Variants in NTRK3 observed in about 807,000 individuals in gnomAD.
NTRK3 encodes neurotrophic receptor tyrosine kinase 3, also known as NT-3 growth factor receptor.
In NTRK3, 24 loss-of-function variants were observed where a neutral mutation model predicts 91.7. The ratio of observed to expected loss-of-function variants is 0.26; its 90% CI spans 0.19 to 0.37. The LOEUF (loss-of-function observed/expected upper bound fraction) is 0.37. Ranked by LOEUF, NTRK3 falls within the 10% of genes least tolerant of loss-of-function variation. The probability of loss-of-function intolerance (pLI) is 1.00; values close to 1 mark genes in which losing one functional copy is unlikely to be tolerated. For missense variants in NTRK3, 880 were observed against 1,068.9 expected, an observed-to-expected ratio of 0.82 and a Z score of 2.46; for synonymous variants, 483 against 404.0, an observed-to-expected ratio of 1.20 and a Z score of -2.34.
chr15:87,884,343 C>A (rs902883824), intron 17 of NTRK3, among the ~76,000 whole-genome samples: 4 of 149,742 alleles, frequency 2.7e-5, no homozygotes, highest in Non-Finnish European at 4.5e-5. Flanking sequence ...TAAAAAAAAT[C>A]TATACATTAA....
chr15:88,123,700 C>G (rs1036054472), intron 13 of NTRK3, among the ~76,000 whole-genome samples: 1 of 152,106 alleles, frequency 6.6e-6, no homozygotes, highest in Non-Finnish European at 1.5e-5. Flanking sequence ...TTAGTTCCGA[C>G]CAGAAAGGCA....
intron 5 of NTRK3, among the ~76,000 whole-genome samples, chr15:88,182,374 C>T (rs578156350): frequency 3.0e-4 from 46 of 152,322 alleles, no homozygotes; most frequent in African/African-American, 1.1e-3. Context: ...TCCCTACCCT[C>T]CACTTCCCAC....
exon 19 of NTRK3, chr15:87,872,770 G>T: frequency 4.3e-6 from 1 of 232,386 alleles, no homozygotes; most frequent in East Asian, 6.1e-5. Context: ...ACTTTTCTTC[G>T]TCTCCTTCCT....
chr15:88,002,180 T>G lies in NTRK3; in HGVS notation c.1585+30677A>C, dbSNP rs989244477. On this transcript the variant is annotated intron_variant, in intron 14 of 18. Transcript: ENST00000394480. ...AAGGATAGTGGTTGTTTTTTTTTTT[T>G]TTTTTTTTTTTTTTTCCAAACTGAA... Among the ~76,000 whole-genome samples, 21 of 147,572 alleles carry G rather than the reference T, an allele frequency of 1.4e-4. No individual in the cohort carries two copies. The East Asian group carries it at 2.2e-3, about 15-fold the overall frequency.
intron 17 of NTRK3, among the ~76,000 whole-genome samples, chr15:87,890,971 T>G (rs1280757918): frequency 2.0e-5 from 3 of 152,222 alleles, no homozygotes; most frequent in Non-Finnish European, 4.4e-5. Context: ...TCATGACTTC[T>G]TATTGATTTT....
At chr15:87,954,193 C>T (rs13379991) in intron 14 of NTRK3, among the ~76,000 whole-genome samples, 59,273 of 152,048 alleles carry the variant, frequency 0.39, 13,022 homozygotes, top group African/African-American at 0.59. Flanking sequence ...GCCAGCTCTC[C>T]GAGAGGCCAG....
In NTRK3 at chr15:88,241,925, C is replaced by A. The variant is rs1042921859; in HGVS notation, c.248+13981G>T. Among the ~76,000 whole-genome samples the A allele has an allele frequency of 1.3e-5, 2 of 152,198 alleles. No homozygotes were observed. Among genetic ancestry groups the A allele is most frequent in the Non-Finnish European group, 2.9e-5 (2 of 68,038 alleles). ...CTCGGCTGCACACATCCTAGAACGA[C>A]AATGGAGACCTAGGGACAATGGAGA... is the stretch of plus-strand genomic sequence containing the variant. On this transcript the variant is annotated intron_variant, in intron 3 of 18. Transcript: ENST00000394480. The surrounding 1 kb of genome is among the most constrained non-coding windows in gnomAD (Gnocchi z 4.3).
chr15:88,064,898 G>T (rs923167757), intron 13 of NTRK3, among the ~76,000 whole-genome samples: 1 of 152,180 alleles, frequency 6.6e-6, no homozygotes, highest in African/African-American at 2.4e-5. Context: ...GGAAGGAATT[G>T]TAAGTAAGAA....
At chr15:87,870,716 G>A (rs2064808190) in exon 19 of NTRK3, 1 of 223,084 alleles carries the variant, frequency 4.5e-6, no homozygotes, top group Admixed American at 5.7e-5. Context: ...GCTAAAATGA[G>A]AAGAAACCAA....
intron 5 of NTRK3, among the ~76,000 whole-genome samples, chr15:88,152,667 C>A (rs564640898): frequency 2.0e-5 from 3 of 152,316 alleles, no homozygotes; most frequent in South Asian, 2.1e-4. Context: ...AATTAATACA[C>A]CTGTTCTCGG....
At chr15:88,199,423 G>A (rs2048103113) in intron 3 of NTRK3, among the ~76,000 whole-genome samples, 1 of 152,132 alleles carries the variant, frequency 6.6e-6, no homozygotes, top group African/African-American at 2.4e-5. Flanking sequence ...GGGGCTCCTG[G>A]CTCCTAAAAA....
chr15:88,208,062 C>T (rs971519459), intron 3 of NTRK3, among the ~76,000 whole-genome samples: 5 of 152,164 alleles, frequency 3.3e-5, no homozygotes, highest in African/African-American at 9.7e-5. Flanking sequence ...GGATCTGTTG[C>T]AGTCCTCTAG....
chr15:88,127,648 A>G (rs2053432819), intron 11 of NTRK3, among the ~76,000 whole-genome samples: 1 of 152,198 alleles, frequency 6.6e-6, no homozygotes, highest in Non-Finnish European at 1.5e-5. Context: ...TCCTTGCCAC[A>G]GGCATTCCTT....
At chr15:88,061,858 G>C (rs1368030000) in intron 13 of NTRK3, among the ~76,000 whole-genome samples, 1 of 152,204 alleles carries the variant, frequency 6.6e-6, no homozygotes, top group Non-Finnish European at 1.5e-5. Flanking sequence ...TCCTCATGCT[G>C]TGGCCTCAGT....
rs542245765 is a variant in NTRK3 at position 88,105,603 on chromosome 15, A to T, written c.1396+20668T>A. Among the ~76,000 whole-genome samples the T allele has an allele frequency of 8.5e-5, 13 of 152,294 alleles. No homozygotes were observed. The South Asian group carries it at 2.7e-3, about 32-fold the overall frequency. On this transcript the variant is annotated intron_variant, in intron 13 of 18. Transcript: ENST00000394480. ...GGTCTGGATTTACCAGCAGGGCTATATCTTTTCCTTGTGCTTCACACAGAC... is the reference window on the plus strand; with the variant it reads ...GGTCTGGATTTACCAGCAGGGCTATTTCTTTTCCTTGTGCTTCACACAGAC...
chr15:88,156,251 G>A (rs2043889237), intron 5 of NTRK3, among the ~76,000 whole-genome samples: 1 of 152,186 alleles, frequency 6.6e-6, no homozygotes, highest in Admixed American at 6.5e-5. Flanking sequence ...AGAGCAGGAA[G>A]GAAAAGAGAG....
intron 17 of NTRK3, among the ~76,000 whole-genome samples, chr15:87,903,957 C>T (rs1363986596): frequency 2.6e-5 from 4 of 152,190 alleles, no homozygotes; most frequent in Non-Finnish European, 4.4e-5. Context: ...CTGGAAAACA[C>T]TCGCATGCCA....
chr15:87,958,172 G>A (rs545135374), intron 14 of NTRK3, among the ~76,000 whole-genome samples: 1 of 152,156 alleles, frequency 6.6e-6, no homozygotes, highest in African/African-American at 2.4e-5. Flanking sequence ...CTGCATAAAA[G>A]GCGTGTTTCA....
chr15:87,982,160 T>A (rs1173920522), intron 14 of NTRK3, among the ~76,000 whole-genome samples: 1 of 152,188 alleles, frequency 6.6e-6, no homozygotes, highest in Non-Finnish European at 1.5e-5. Context: ...TGAGCCGGGA[T>A]CTGAAGTTTG....
Sources: gnomAD v4.1 joint callset for allele counts (sites outside exome capture counted in the v4.1 genomes callset) on GRCh38, gnomAD v4.1.1 for gene constraint, Gnocchi (gnomAD v3.1) non-coding constraint, MANE v1.5 for transcripts, NCBI Gene and HGNC (gene_info 2026-07-23, HGNC 2026-07-21) for gene names.